FRMD5: variants seen among roughly 807,000 people sequenced by gnomAD.
The protein encoded by FRMD5 is FERM domain-containing protein 5.
FRMD5 carries 20 observed loss-of-function variants against 69.0 expected under a neutral mutation model. The observed-to-expected ratio is 0.29, with a 90% confidence interval of 0.20 to 0.42. The LOEUF is 0.42. Among genes scored for constraint, FRMD5 ranks in the 10% least tolerant of loss-of-function variants. The pLI is 1.00. For missense variants in FRMD5, 595 were observed against 708.6 expected (o/e 0.84, Z 1.82); for synonymous variants, 271 against 260.1 (o/e 1.04, Z -0.40).
intron 1 of FRMD5, among the ~76,000 whole-genome samples, chr15:44,011,513 G>T (rs1890721166): frequency 6.6e-6 from 1 of 152,182 alleles, no homozygotes. Context: ...ACACAATGAA[G>T]TGTTAGTGAA....
chr15:43,874,889 G>T (rs981803300), intron 13 of FRMD5, among the ~76,000 whole-genome samples: 8 of 151,718 alleles, frequency 5.3e-5, no homozygotes, highest in Non-Finnish European at 1.2e-4. Flanking sequence ...AACAGAGTGA[G>T]TAAGATTCCA....
Position 44,045,702 on chromosome 15 carries a change from A to ATT in FRMD5, c.103-121395_103-121394dup, listed in dbSNP as rs559351839. ...AATGATAGGAGTGGTTAGAAAGGGC[A>ATT]TTCAGAGTGTAAGGAAGGGGCAGAA... is the stretch of plus-strand genomic sequence containing the variant. On this transcript the variant is annotated intron_variant, in intron 1 of 13. Transcript: ENST00000417257. Among the ~76,000 whole-genome samples the ATT allele has an allele frequency of 2.0e-5, 3 of 152,310 alleles. No individual in the cohort carries two copies. The South Asian group carries it at 6.2e-4, about 32-fold the overall frequency.
intron 1 of FRMD5, among the ~76,000 whole-genome samples, chr15:44,188,299 C>A (rs2078136811): frequency 6.6e-6 from 1 of 152,162 alleles, no homozygotes; most frequent in African/African-American, 2.4e-5. Context: ...GACAACCTAG[C>A]ATTTACCTTG....
chr15:44,025,403 G>C (rs958650076), intron 1 of FRMD5, among the ~76,000 whole-genome samples: 1 of 152,030 alleles, frequency 6.6e-6, no homozygotes, highest in Non-Finnish European at 1.5e-5. Flanking sequence ...GCAAACAAAA[G>C]AGATGCATGG....
At chr15:43,939,228 A>G (rs1477010296) in intron 1 of FRMD5, among the ~76,000 whole-genome samples, 1 of 152,126 alleles carries the variant, frequency 6.6e-6, no homozygotes, top group Non-Finnish European at 1.5e-5. Context: ...TGGAGATTAA[A>G]TATCAGTGGA....
chr15:44,038,540 T>TTTTTTTTTTTTA (rs1555397090), intron 1 of FRMD5, among the ~76,000 whole-genome samples: 3 of 146,610 alleles, frequency 2.0e-5, no homozygotes, highest in East Asian at 2.0e-4. Flanking sequence ...TTTTTTTTTT[T>TTTTTTTTTTTTA]ATAACAATTC....
At chr15:44,012,617 C>T (rs946554754) in intron 1 of FRMD5, among the ~76,000 whole-genome samples, 1 of 152,000 alleles carries the variant, frequency 6.6e-6, no homozygotes, top group Non-Finnish European at 1.5e-5. Flanking sequence ...GTGGGTGGCA[C>T]AAAATTACAG....
intron 1 of FRMD5, among the ~76,000 whole-genome samples, chr15:44,077,442 A>G (rs1370596671): frequency 1.3e-5 from 2 of 152,156 alleles, no homozygotes; most frequent in African/African-American, 4.8e-5. Context: ...AACTAAACCA[A>G]AACTGTAAGA....
intron 1 of FRMD5, among the ~76,000 whole-genome samples, chr15:44,163,987 T>C (rs913848730): frequency 1.3e-5 from 2 of 152,224 alleles, no homozygotes; most frequent in Non-Finnish European, 2.9e-5. Context: ...GCCTTGCTTC[T>C]AGCAAGGGGA....
At chr15:44,153,531 C>G (rs935954159) in intron 1 of FRMD5, among the ~76,000 whole-genome samples, 1 of 151,988 alleles carries the variant, frequency 6.6e-6, no homozygotes, top group Admixed American at 6.6e-5. Context: ...TGGTGGTTAC[C>G]AGGGGTTGAG....
chr15:44,077,836 T>C (rs1240717328), intron 1 of FRMD5, among the ~76,000 whole-genome samples: 1 of 152,134 alleles, frequency 6.6e-6, no homozygotes, highest in Admixed American at 6.5e-5. Flanking sequence ...GTAACTGTGC[T>C]AGATTACATG....
intron 1 of FRMD5, among the ~76,000 whole-genome samples, chr15:44,038,069 CAT>C (rs1376594692): frequency 6.6e-5 from 10 of 152,118 alleles, no homozygotes; most frequent in Non-Finnish European, 1.3e-4. Flanking sequence ...AGCTTTTTTT[CAT>C]ATGTTTGTTG....
intron 1 of FRMD5, among the ~76,000 whole-genome samples, chr15:44,191,743 T>C (rs966466615): frequency 6.6e-6 from 1 of 151,636 alleles, no homozygotes; most frequent in Admixed American, 6.6e-5. Flanking sequence ...ATCCCGTTTC[T>C]TAAAAACATA....
At chr15:43,966,488 A>T (rs1214740358) in intron 1 of FRMD5, among the ~76,000 whole-genome samples, 1 of 152,206 alleles carries the variant, frequency 6.6e-6, no homozygotes, top group East Asian at 1.9e-4. Context: ...ATTACAAAGG[A>T]ATACATGATT....
At chr15:44,050,865 C>T (rs1892633447) in intron 1 of FRMD5, among the ~76,000 whole-genome samples, 1 of 151,568 alleles carries the variant, frequency 6.6e-6, no homozygotes, top group African/African-American at 2.4e-5. Context: ...ACCATGCCGG[C>T]CAGGCTGGTC....
chr15:43,891,698 G>A (rs2088796427), intron 8 of FRMD5, among the ~76,000 whole-genome samples: 1 of 152,100 alleles, frequency 6.6e-6, no homozygotes, highest in Non-Finnish European at 1.5e-5. Flanking sequence ...ACTTTGCTCC[G>A]CTAACACTGG....
At chr15:44,109,240 C>T (rs1302084226) in intron 1 of FRMD5, among the ~76,000 whole-genome samples, 1 of 151,908 alleles carries the variant, frequency 6.6e-6, no homozygotes, top group Non-Finnish European at 1.5e-5. Flanking sequence ...TCTTTTCATC[C>T]AGCTTTTTCT....
At chr15:43,921,079 A>G (rs545238794) in intron 2 of FRMD5, among the ~76,000 whole-genome samples, 3 of 152,184 alleles carry the variant, frequency 2.0e-5, no homozygotes, top group Non-Finnish European at 4.4e-5. Context: ...TAGCCACTCA[A>G]TGTGGTTAAG....
intron 1 of FRMD5, among the ~76,000 whole-genome samples, chr15:44,026,932 A>C (rs992802622): frequency 6.6e-6 from 1 of 152,246 alleles, no homozygotes; most frequent in Non-Finnish European, 1.5e-5. Flanking sequence ...GTAAGTAAAT[A>C]AACAGGTGTA....
Sources: gnomAD v4.1 joint callset for allele counts (sites outside exome capture counted in the v4.1 genomes callset) on GRCh38, gnomAD v4.1.1 for gene constraint, MANE v1.5 for transcripts, NCBI Gene and HGNC (gene_info 2026-07-23, HGNC 2026-07-21) for gene names.